The following PCDHA11 variants were observed in gnomAD, a reference collection of about 807,000 sequenced individuals.
PCDHA11 encodes protocadherin alpha 11, also known as protocadherin alpha-11.
PCDHA11 carries 61 observed loss-of-function variants against 70.3 expected under a neutral mutation model. The observed-to-expected ratio is 0.87, with a 90% CI of 0.71 to 1.07. PCDHA11 has a LOEUF of 1.07. Ranked by LOEUF, PCDHA11 falls within the 50% of genes least tolerant of loss-of-function variation. The pLI is 0.00. For synonymous variants in PCDHA11, 633 were observed against 555.1 expected, an observed-to-expected ratio of 1.14 and a Z score of -1.97; for missense variants, 1,324 against 1,237.5, an observed-to-expected ratio of 1.07 and a Z score of -1.05.
intron 1 of PCDHA11, among the ~76,000 whole-genome samples, chr5:140,954,988 A>G (rs554115730): frequency 2.0e-5 from 3 of 152,204 alleles, no homozygotes; most frequent in Admixed American, 6.5e-5. Context: ...AATTTTCTGC[A>G]TATGGCTAGC....
In PCDHA11 at chr5:140,869,424, G is replaced by A; in HGVS notation, c.321G>A (p.Glu107=). The stretch of plus-strand genomic sequence containing the variant: ...GCGCGGAGTGCAGCATCCACCTGGA[G>A]GTGATCGTGGACAGGCCGCTGCAGG... ...GQSAECSIHL[E]VIVDRPLQVF... The change falls in exon 1 of 4, where the codon GAG becomes GAA. Residue 107 remains glutamate (E), a synonymous_variant. Transcript: ENST00000398640. The A allele has an allele frequency of 1.2e-6, 2 of 1,614,216 alleles. No individual in the cohort carries two copies. Among genetic ancestry groups the A allele is most frequent in the African/African-American group, 2.7e-5 (2 of 75,064 alleles).
chr5:140,915,458 G>T (rs1172885235), intron 1 of PCDHA11, among the ~76,000 whole-genome samples: 11 of 152,126 alleles, frequency 7.2e-5, no homozygotes, highest in African/African-American at 2.2e-4. Flanking sequence ...TTTCCAGAAG[G>T]TTTTTATTTG....
intron 1 of PCDHA11, chr5:140,927,529 C>A: frequency 6.2e-7 from 1 of 1,614,098 alleles, no homozygotes; most frequent in South Asian, 1.1e-5. Flanking sequence ...GCTACCTGCC[C>A]GCTCAGGAGA....
chr5:140,882,330 T>C (rs1554173536), intron 1 of PCDHA11: 26 of 1,614,056 alleles, frequency 1.6e-5, no homozygotes, highest in Non-Finnish European at 2.1e-5. Context: ...CTTCTGATCC[T>C]CGCAGCCTGG....
chr5:140,925,371 A>ATATT (rs1554202717), intron 1 of PCDHA11, among the ~76,000 whole-genome samples: 1 of 152,136 alleles, frequency 6.6e-6, no homozygotes, highest in Non-Finnish European at 1.5e-5. Context: ...CATAGTCAAT[A>ATATT]GTCAATGAGT....
chr5:141,003,520 C>T (rs1171208921), intron 3 of PCDHA11, among the ~76,000 whole-genome samples: 2 of 152,126 alleles, frequency 1.3e-5, no homozygotes, highest in Admixed American at 6.5e-5. Flanking sequence ...ACCATGTTCC[C>T]TAGGCTGGTC....
chr5:140,870,543 CGCGGACGCGCAG>C lies in PCDHA11; in HGVS notation c.1442_1453del (p.Ala481_Gln484del). On this transcript the variant is annotated inframe_deletion, in exon 1 of 4. Transcript: ENST00000398640. Reference sequence around the variant, plus strand: ...ACATCTTCACAGTGTCGGCGCGGGACGCGGACGCGCAGGAGAACGCGCTGGTGTCCTACTCGC... The same window carrying C: ...ACATCTTCACAGTGTCGGCGCGGGACGAGAACGCGCTGGTGTCCTACTCGC... 6.2e-7 allele frequency: 1 copy of C among 1,614,114 alleles called. No individual in the cohort carries two copies. Among genetic ancestry groups the C allele is most frequent in the Non-Finnish European group, 8.5e-7 (1 of 1,180,038 alleles).
chr5:140,877,563 C>G (rs2057203422), intron 1 of PCDHA11: 2 of 1,613,774 alleles, frequency 1.2e-6, no homozygotes, highest in African/African-American at 1.3e-5. Context: ...TGGATATTAA[C>G]GTGTACCTCA....
chr5:140,930,404 T>C (rs2086793049), intron 1 of PCDHA11: 1 of 152,170 alleles, frequency 6.6e-6, no homozygotes, highest in African/African-American at 2.4e-5. Flanking sequence ...TTTTTTTTTT[T>C]TGAGACAGGG....
intron 1 of PCDHA11, among the ~76,000 whole-genome samples, chr5:140,920,594 C>G (rs1347372573): frequency 1.3e-5 from 2 of 152,176 alleles, no homozygotes; most frequent in Admixed American, 1.3e-4. Flanking sequence ...GCCTGTAATC[C>G]CAGCACTTTG....
At chr5:140,994,573 C>A (rs1587629172) in intron 3 of PCDHA11, among the ~76,000 whole-genome samples, 1 of 152,000 alleles carries the variant, frequency 6.6e-6, no homozygotes, top group African/African-American at 2.4e-5. Context: ...GGTGTGGTGG[C>A]ATGCACTTGT....
intron 3 of PCDHA11, among the ~76,000 whole-genome samples, chr5:140,988,057 C>G (rs557714672): frequency 2.0e-4 from 30 of 152,188 alleles, no homozygotes; most frequent in Non-Finnish European, 3.7e-4. Context: ...GCACTGTCAA[C>G]ATGAATTTTT....
At chr5:140,915,244 G>A (rs1440851135) in intron 1 of PCDHA11, among the ~76,000 whole-genome samples, 2 of 152,058 alleles carry the variant, frequency 1.3e-5, no homozygotes, top group Non-Finnish European at 2.9e-5. Flanking sequence ...ACCATGCCTG[G>A]CCAGGTTGTT....
At chr5:140,972,783 C>T (rs1437997582) in intron 1 of PCDHA11, among the ~76,000 whole-genome samples, 2 of 151,768 alleles carry the variant, frequency 1.3e-5, no homozygotes, top group African/African-American at 4.8e-5. Context: ...TCTGCCTCAG[C>T]CTCCTGAGTA....
chr5:140,921,953 C>A (rs2080517782), intron 1 of PCDHA11, among the ~76,000 whole-genome samples: 3 of 151,116 alleles, frequency 2.0e-5, no homozygotes, highest in African/African-American at 4.9e-5. Flanking sequence ...TTGTAAAATC[C>A]CAGAAAACCA....
In PCDHA11 at chr5:140,869,566, G is replaced by A. The variant is rs782325882; in HGVS notation, c.463G>A (p.Glu155Lys). The change falls in exon 1 of 4, where the codon GAG (glutamate) becomes AAG (lysine). Residue 155 changes from glutamate (E) to lysine (K), a missense_variant. Glu to Lys is a moderately conservative substitution (Grantham distance 56). Transcript: ENST00000398640. Reference protein sequence around the residue: ...SKQSDSRFPLEGASDADIEEN... With the variant: ...SKQSDSRFPLKGASDADIEEN... Reference sequence around the variant, plus strand: ...GCAATCGGACTCGCGTTTTCCACTAGAGGGAGCTTCTGATGCTGACATTGA... The same window carrying A: ...GCAATCGGACTCGCGTTTTCCACTAAAGGGAGCTTCTGATGCTGACATTGA... 1.9e-6 allele frequency: 3 copies of A among 1,614,178 alleles called. No individual in the cohort carries two copies. The highest frequency in any genetic ancestry group is 4.5e-5 in the East Asian group (2 of 44,882).
intron 1 of PCDHA11, among the ~76,000 whole-genome samples, chr5:140,926,054 T>A (rs1018660828): frequency 6.6e-6 from 1 of 152,182 alleles, no homozygotes; most frequent in African/African-American, 2.4e-5. Flanking sequence ...CCCAACCTTC[T>A]TCCCCTCCTT....
intron 1 of PCDHA11, among the ~76,000 whole-genome samples, chr5:140,915,616 GTC>G (rs1166585947): frequency 7.5e-6 from 1 of 134,000 alleles, no homozygotes. Context: ...CTGTCAAACA[GTC>G]TCTTTCTGTC....
At position 140,884,423 on chromosome 5, in the gene PCDHA11, A is replaced by G. The variant is rs2060160830; in HGVS notation, c.2391+12929A>G. The G allele has an allele frequency of 1.2e-6, 2 of 1,613,932 alleles. No individual in the cohort carries two copies. Among genetic ancestry groups the G allele is most frequent in the African/African-American group, 1.3e-5 (1 of 75,050 alleles). On this transcript the variant is annotated intron_variant, in intron 1 of 3. Coordinates refer to ENST00000398640, the MANE Select transcript of PCDHA11 (RefSeq NM_018902.5). ...GTTGGTGCTCACGTTGCTGCTGTAT[A>G]CTGCGCTGCGGTGCTCGGCACCGCC...
Sources: allele counts gnomAD v4.1 joint callset (sites outside exome capture counted in the v4.1 genomes callset), GRCh38; gene constraint gnomAD v4.1.1; transcripts MANE v1.5; gene names NCBI Gene and HGNC (gene_info 2026-07-23, HGNC 2026-07-21).